Variants in BMF observed in about 807,000 individuals in gnomAD.
BMF encodes bcl-2-modifying factor.
In BMF, 10 loss-of-function variants were observed where a neutral mutation model predicts 22.0. The observed-to-expected ratio is 0.45, with a 90% CI of 0.28 to 0.77. BMF has a LOEUF of 0.77. BMF is among the 30% of genes least tolerant of loss of function. The pLI is 0.13. For synonymous variants in BMF, 87 were observed against 88.1 expected, an observed-to-expected ratio of 0.99 and a Z score of 0.07; for missense variants, 206 against 226.8, an observed-to-expected ratio of 0.91 and a Z score of 0.59.
intron 4 of BMF, among the ~76,000 whole-genome samples, chr15:40,095,670 G>A (rs2036343508): frequency 6.6e-6 from 1 of 152,160 alleles, no homozygotes; most frequent in African/African-American, 2.4e-5. Context: ...ACAGAGGAGG[G>A]GAAGCTCACC....
intron 3 of BMF, 152 bp from the exon 4 acceptor site, chr15:40,104,492 A>C: frequency 1.0e-6 from 1 of 952,598 alleles, no homozygotes; most frequent in Non-Finnish European, 1.5e-6. Flanking sequence ...CACTCTGCCA[A>C]GCTTGGACAG....
chr15:40,104,362 A>ATC, intron 3 of BMF, 22 bp from the exon 4 acceptor site: 1 of 1,613,032 alleles, frequency 6.2e-7, no homozygotes, highest in Non-Finnish European at 8.5e-7. Context: ...GAGGATCCAC[A>ATC]TCTCAGCATT....
Position 40,104,476 on chromosome 15 carries a change from T to C in BMF, c.293-136A>G, listed in dbSNP as rs532784561. 2.5e-5 allele frequency: 28 copies of C among 1,137,342 alleles called. 1 individual carries two copies. In the African/African-American group the frequency reaches 2.9e-4, roughly 12 times the overall value. 70.5% of individuals were successfully genotyped at this position (1,137,342 alleles called of 1,614,324 possible). A position where few individuals can be genotyped will look rare whatever the true frequency, so the allele number is the denominator to read the frequency against. On this transcript the variant is annotated intron_variant, in intron 3 of 4. Coordinates refer to ENST00000354670, the MANE Select transcript of BMF (RefSeq NM_001003940.2). ...AAGGATAGGAGCCAGCCTGCCTCTA[T>C]TGGAGCACTCTGCCAAGCTTGGACA...
intron 4 of BMF, among the ~76,000 whole-genome samples, 185 bp downstream of exon 4, chr15:40,103,995 G>A (rs961882137): frequency 6.6e-6 from 1 of 152,232 alleles, no homozygotes; most frequent in African/African-American, 2.4e-5. Context: ...GTGGAGCTCA[G>A]AGATGAGGGC....
intron 4 of BMF, among the ~76,000 whole-genome samples, chr15:40,093,469 A>G (rs960885067): frequency 6.6e-6 from 1 of 152,172 alleles, no homozygotes; most frequent in Admixed American, 6.5e-5. Context: ...GAGTAAAAAG[A>G]GGAAACACAC....
At chr15:40,104,123 C>A in intron 4 of BMF, 57 bp downstream of exon 4, 1 of 1,599,768 alleles carries the variant, frequency 6.3e-7, no homozygotes, top group South Asian at 1.1e-5. Flanking sequence ...GAGAGGCAGG[C>A]CCTGGCCCCC....
At chr15:40,105,439 T>C (rs536497285) in intron 3 of BMF, among the ~76,000 whole-genome samples, 272 of 152,308 alleles carry the variant, frequency 1.8e-3, no homozygotes, top group African/African-American at 6.3e-3. Flanking sequence ...TTTCCCTTCA[T>C]TGTCAACAGC....
In BMF at chr15:40,093,201, G is replaced by A. The variant is rs376708154; in HGVS notation, c.454-1313C>T. Reference sequence around the variant, plus strand: ...TGCAGGTTGCTGGCTTCCCCTTCACGCTGCCCTAGGCCACAAAAAGAGAGG... The same window carrying A: ...TGCAGGTTGCTGGCTTCCCCTTCACACTGCCCTAGGCCACAAAAAGAGAGG... On this transcript the variant is annotated intron_variant, in intron 4 of 4. Transcript: ENST00000354670. Among the ~76,000 whole-genome samples the A allele has an allele frequency of 2.2e-4, 33 of 152,308 alleles. No homozygotes were observed. In the East Asian group the frequency reaches 2.9e-3, roughly 13 times the overall value.
rs1431299417 is a variant in BMF at position 40,090,510 on chromosome 15, C to A, written c.*1277G>T. The A allele has an allele frequency of 1.3e-5, 2 of 152,682 alleles. No homozygotes were observed. The highest frequency in any genetic ancestry group is 1.3e-4 in the Admixed American group (2 of 15,290). The allele number at this position is 152,682 out of a possible 1,614,324, so 9.5% of individuals were successfully genotyped here. A position where few individuals can be genotyped will look rare whatever the true frequency, so the allele number is the denominator to read the frequency against. On this transcript the variant is annotated 3_prime_UTR_variant, in exon 5 of 5. Transcript: ENST00000354670. ...GCTGCCACACCGGCTGCTTTAGATC[C>A]TCTCCATAAGTGCCGCAGCAGGGAG...
chr15:40,092,013 C>T, intron 4 of BMF, 125 bp from the exon 5 acceptor site: 1 of 705,130 alleles, frequency 1.4e-6, no homozygotes, highest in Non-Finnish European at 2.4e-6. Context: ...CCTATCAGTA[C>T]AGCTCACAGC....
Position 40,093,251 on chromosome 15 carries a change from C to G in BMF, c.454-1363G>C, listed in dbSNP as rs573146283. Among the ~76,000 whole-genome samples the G allele has an allele frequency of 1.6e-4, 24 of 152,080 alleles. No individual in the cohort carries two copies. In the East Asian group the frequency reaches 4.5e-3, roughly 28 times the overall value. ...GCATCCAGGCAGCTGGCCTCAGGGCCTGACAACCCAGGTGAACACGGAATG... is the reference window on the plus strand; with the variant it reads ...GCATCCAGGCAGCTGGCCTCAGGGCGTGACAACCCAGGTGAACACGGAATG... On this transcript the variant is annotated intron_variant, in intron 4 of 4. Coordinates refer to ENST00000354670, the MANE Select transcript of BMF (RefSeq NM_001003940.2).
intron 4 of BMF, 46 bp from the exon 5 acceptor site, chr15:40,091,934 A>ATCTTAGAC: frequency 7.3e-7 from 1 of 1,367,566 alleles, no homozygotes. Flanking sequence ...CCCAAACGCA[A>ATCTTAGAC]TCTTAGACGA....
rs140201280 is a variant in BMF, at chr15:40,093,200, C to T, written c.454-1312G>A. On this transcript the variant is annotated intron_variant, in intron 4 of 4. Transcript: ENST00000354670. The stretch of plus-strand genomic sequence containing the variant: ...ATGCAGGTTGCTGGCTTCCCCTTCA[C>T]GCTGCCCTAGGCCACAAAAAGAGAG... Among the ~76,000 whole-genome samples the T allele has an allele frequency of 5.9e-5, 9 of 152,342 alleles. No homozygotes were observed. In the East Asian group the frequency reaches 1.5e-3, roughly 26 times the overall value.
At position 40,091,897 on chromosome 15, in the gene BMF, A is replaced by AG; in HGVS notation, c.454-10dup. 2 of 1,556,752 alleles carry AG rather than the reference A, an allele frequency of 1.3e-6. No individual in the cohort carries two copies. The highest frequency in any genetic ancestry group is 1.7e-6 in the Non-Finnish European group (2 of 1,143,074). On this transcript the variant is annotated splice_polypyrimidine_tract_variant and intron_variant, in intron 4 of 4. Coordinates refer to ENST00000354670, the MANE Select transcript of BMF (RefSeq NM_001003940.2). ...TTTTGGTTCTGCTGGTGCTGAAGGG[A>AG]GAAAAAAAAAAAAGACCAACATAAC...
intron 4 of BMF, among the ~76,000 whole-genome samples, chr15:40,097,311 C>A (rs2036385702): frequency 6.6e-6 from 1 of 151,896 alleles, no homozygotes; most frequent in South Asian, 2.1e-4. Context: ...TACCAAGCAC[C>A]CAACTGAGCT....
intron 4 of BMF, among the ~76,000 whole-genome samples, chr15:40,095,874 G>A (rs1371952706): frequency 6.6e-6 from 1 of 152,176 alleles, no homozygotes; most frequent in Non-Finnish European, 1.5e-5. Context: ...CACGGACAGG[G>A]GATGAAGGCA....
Position 40,091,686 on chromosome 15 carries a change from AC to A in BMF, c.*100del, listed in dbSNP as rs1261217489. ...AAAAAAATTAAAACACAAAATAACAACAAAAAAACAATTTCACAAGACACAG... is the reference window on the plus strand; with the variant it reads ...AAAAAAATTAAAACACAAAATAACAAAAAAAAACAATTTCACAAGACACAG... On this transcript the variant is annotated 3_prime_UTR_variant, in exon 5 of 5. Coordinates refer to ENST00000354670, the MANE Select transcript of BMF (RefSeq NM_001003940.2). The A allele has an allele frequency of 3.4e-6, 3 of 881,718 alleles. No homozygotes were observed. In the East Asian group the frequency reaches 8.0e-5, roughly 23 times the overall value. The allele number at this position is 881,718 out of a possible 1,614,324, so 54.6% of individuals were successfully genotyped here.
At chr15:40,107,505 C>T (rs763919116) in intron 2 of BMF, among the ~76,000 whole-genome samples, 8 of 149,376 alleles carry the variant, frequency 5.4e-5, no homozygotes, top group South Asian at 2.1e-4. Context: ...CAAGCAGCCA[C>T]GTGGTGTTCT....
intron 4 of BMF, among the ~76,000 whole-genome samples, chr15:40,094,847 A>T (rs1239547019): frequency 6.6e-6 from 1 of 152,262 alleles, no homozygotes; most frequent in African/African-American, 2.4e-5. Flanking sequence ...AAAGTCACTC[A>T]TGATCCTCCA....
Sources: gnomAD v4.1 joint callset for allele counts (sites outside exome capture counted in the v4.1 genomes callset) on GRCh38, gnomAD v4.1.1 for gene constraint, MANE v1.5 for transcripts, NCBI Gene and HGNC (gene_info 2026-07-23, HGNC 2026-07-21) for gene names.